Variants in ZNF423 observed in about 807,000 individuals in gnomAD.
ZNF423 encodes Ebf-associated zinc finger protein.
ZNF423 carries 12 observed loss-of-function variants against 95.8 expected under a neutral mutation model. The observed-to-expected ratio is 0.13, with a 90% confidence interval of 0.08 to 0.20. ZNF423 has a LOEUF of 0.20. Among genes scored for constraint, ZNF423 ranks in the 10% least tolerant of loss-of-function variants. The pLI is 1.00. For missense variants in ZNF423, 1,316 were observed against 1,737.1 expected (o/e 0.76, Z 4.31); for synonymous variants, 749 against 711.9 (o/e 1.05, Z -0.83).
intron 2 of ZNF423, among the ~76,000 whole-genome samples, chr16:49,740,541 C>T (rs2033393673): frequency 1.3e-5 from 2 of 152,224 alleles, no homozygotes; most frequent in African/African-American, 4.8e-5. Flanking sequence ...TAAAGGGTCC[C>T]CTTGGCAGCA....
intron 3 of ZNF423, among the ~76,000 whole-genome samples, chr16:49,681,090 C>A (rs2031332997): frequency 6.6e-6 from 1 of 152,222 alleles, no homozygotes; most frequent in Non-Finnish European, 1.5e-5. Context: ...AGGAGACCAA[C>A]AGGCTCGCCC....
intron 5 of ZNF423, among the ~76,000 whole-genome samples, chr16:49,578,573 T>C (rs1054291482): frequency 6.6e-6 from 1 of 152,140 alleles, no homozygotes; most frequent in Non-Finnish European, 1.5e-5. Flanking sequence ...CCCTCGCCTC[T>C]CGCCCTCTCC....
intron 7 of ZNF423, among the ~76,000 whole-genome samples, chr16:49,522,382 C>G (rs957570881): frequency 2.6e-5 from 4 of 152,154 alleles, no homozygotes; most frequent in African/African-American, 9.7e-5. Context: ...CTTCTCCCTG[C>G]CTCAGTGACT....
intron 1 of ZNF423, among the ~76,000 whole-genome samples, chr16:49,828,506 A>C (rs1389775207): frequency 1.3e-5 from 2 of 152,338 alleles, no homozygotes; most frequent in East Asian, 3.9e-4. Flanking sequence ...GAAAAAGAAA[A>C]GGCAACATAA....
At chr16:49,503,623 A>T (rs1229150466) in intron 7 of ZNF423, among the ~76,000 whole-genome samples, 3 of 152,044 alleles carry the variant, frequency 2.0e-5, no homozygotes, top group Admixed American at 1.3e-4. Context: ...CCATCACAAC[A>T]TCGCTCTGCA....
At chr16:49,721,093 C>T (rs577806084) in intron 3 of ZNF423, among the ~76,000 whole-genome samples, 18 of 152,344 alleles carry the variant, frequency 1.2e-4, no homozygotes, top group Admixed American at 1.1e-3. Context: ...TGTCAACAGA[C>T]ATGGGGCAGT....
At chr16:49,806,085 C>T (rs1342618869) in intron 1 of ZNF423, among the ~76,000 whole-genome samples, 1 of 152,262 alleles carries the variant, frequency 6.6e-6, no homozygotes, top group Admixed American at 6.5e-5. Flanking sequence ...TGCATGGTCT[C>T]GTTAACCAGA....
At chr16:49,720,671 A>G (rs2032839206) in intron 3 of ZNF423, among the ~76,000 whole-genome samples, 1 of 152,254 alleles carries the variant, frequency 6.6e-6, no homozygotes, top group African/African-American at 2.4e-5. Flanking sequence ...GTCAAAAGCA[A>G]AAGTATTGGT....
chr16:49,815,870 C>CAAACAA (rs1567355991), intron 1 of ZNF423, among the ~76,000 whole-genome samples: 7 of 39,530 alleles, frequency 1.8e-4, no homozygotes, highest in African/African-American at 8.5e-4. Context: ...TCCAAACAAA[C>CAAACAA]AAAAAAAAAA....
intron 4 of ZNF423, among the ~76,000 whole-genome samples, chr16:49,627,928 T>C (rs1489812287): frequency 3.4e-5 from 5 of 146,388 alleles, no homozygotes; most frequent in South Asian, 2.3e-4. Flanking sequence ...CACCCACCAA[T>C]AGACCCATCC....
intron 2 of ZNF423, among the ~76,000 whole-genome samples, chr16:49,736,145 A>C (rs1397441487): frequency 6.6e-6 from 1 of 152,206 alleles, no homozygotes; most frequent in African/African-American, 2.4e-5. Flanking sequence ...TTGGTTTCAA[A>C]AAAGCAGGCC....
chr16:49,549,515 C>T (rs1412322100), intron 5 of ZNF423, among the ~76,000 whole-genome samples: 2 of 152,204 alleles, frequency 1.3e-5, no homozygotes, highest in Non-Finnish European at 2.9e-5. Flanking sequence ...AGACCCATTT[C>T]CTCTCCTCTC....
At chr16:49,708,339 TG>T (rs2032428105) in intron 3 of ZNF423, 2 of 152,028 alleles carry the variant, frequency 1.3e-5, no homozygotes, top group African/African-American at 4.8e-5. Flanking sequence ...TCTGCCCCCC[TG>T]GCTAGAGTGT....
At chr16:49,768,908 C>T (rs778964049) in intron 2 of ZNF423, among the ~76,000 whole-genome samples, 75 of 152,138 alleles carry the variant, frequency 4.9e-4, no homozygotes, top group South Asian at 8.3e-4. Flanking sequence ...CCATCCACAC[C>T]GAGCTGCCCT....
At chr16:49,525,087 C>A (rs1968549154) in intron 6 of ZNF423, among the ~76,000 whole-genome samples, 1 of 152,206 alleles carries the variant, frequency 6.6e-6, no homozygotes, top group Admixed American at 6.5e-5. Context: ...GGACAAAGGG[C>A]TTCTAGCTCC....
At chr16:49,699,126 A>G (rs1039939169) in intron 3 of ZNF423, among the ~76,000 whole-genome samples, 5 of 152,360 alleles carry the variant, frequency 3.3e-5, no homozygotes, top group Admixed American at 3.3e-4. Context: ...ACAGGCACTT[A>G]GCTAGTCAGC....
At position 49,822,703 on chromosome 16, in the gene ZNF423, T is replaced by C. The variant is rs374568439; in HGVS notation, c.40+33032A>G. The C allele has an allele frequency of 2.7e-5, 44 of 1,611,890 alleles. No individual in the cohort carries two copies. In the Middle Eastern group the frequency reaches 4.9e-4, roughly 18 times the overall value. On this transcript the variant is annotated intron_variant, in intron 1 of 7. Transcript: ENST00000563137. The stretch of plus-strand genomic sequence containing the variant: ...TTATGCATCCATGTCTTTCTTCTTT[T>C]ACAGGGTAAAATCCATCCTTCTCCA...
intron 2 of ZNF423, among the ~76,000 whole-genome samples, chr16:49,755,449 A>G (rs1266074801): frequency 6.6e-6 from 1 of 152,214 alleles, no homozygotes; most frequent in Non-Finnish European, 1.5e-5. Context: ...GAGGACACCT[A>G]TCGAGGGTAA....
Position 49,488,227 on chromosome 16 carries a change from C to T in ZNF423, c.*3048G>A, listed in dbSNP as rs892569468. The T allele has an allele frequency of 1.3e-5, 2 of 152,252 alleles. No individual in the cohort carries two copies. The highest frequency in any genetic ancestry group is 2.4e-5 in the African/African-American group (1 of 41,464). The allele number at this position is 152,252 out of a possible 1,614,324, so 9.4% of individuals were successfully genotyped here. Reference sequence around the variant, plus strand: ...AACAGGTGAAAAGTTCAATATTACACAACTGTGAATTTAAAAGGAGCGTTC... The same window carrying T: ...AACAGGTGAAAAGTTCAATATTACATAACTGTGAATTTAAAAGGAGCGTTC... On this transcript the variant is annotated 3_prime_UTR_variant, in exon 8 of 8. Transcript: ENST00000563137.
Sources: gnomAD v4.1 joint callset for allele counts (sites outside exome capture counted in the v4.1 genomes callset) on GRCh38, gnomAD v4.1.1 for gene constraint, MANE v1.5 for transcripts, NCBI Gene and HGNC (gene_info 2026-07-23, HGNC 2026-07-21) for gene names.